Variants in POF1B observed in about 807,000 individuals in gnomAD.
The protein encoded by POF1B is POF1B actin binding protein, also known as protein POF1B.
POF1B carries 53 observed loss-of-function variants against 55.3 expected under a neutral mutation model. The observed-to-expected ratio is 0.96, with a 90% CI of 0.77 to 1.20. The LOEUF (loss-of-function observed/expected upper bound fraction) is 1.20, where lower values mean the gene tolerates loss of function less well. POF1B is among the 50% of genes most tolerant of loss of function. The probability of loss-of-function intolerance (pLI) is 0.00; values close to 1 mark genes in which losing one functional copy is unlikely to be tolerated. For missense variants in POF1B, 478 were observed against 420.5 expected, an observed-to-expected ratio of 1.14 and a Z score of -1.20; for synonymous variants, 188 against 148.3, an observed-to-expected ratio of 1.27 and a Z score of -1.95.
chrX:85,376,511 C>T (rs183609797), intron 2 of POF1B, among the ~76,000 whole-genome samples: 1 of 111,387 alleles, frequency 9.0e-6, no homozygotes, highest in East Asian at 2.8e-4. Flanking sequence ...TTAATTCTAC[C>T]ATTAATTTAG....
chrX:85,349,664 A>G (rs867351691), intron 5 of POF1B, among the ~76,000 whole-genome samples: 16 of 111,516 alleles, frequency 1.4e-4, no homozygotes, highest in Middle Eastern at 4.6e-3. Flanking sequence ...TGCATCTACA[A>G]GCCAAGGAAT....
chrX:85,283,535 G>A (rs750511693), intron 15 of POF1B, among the ~76,000 whole-genome samples: 4 of 109,440 alleles, frequency 3.7e-5, no homozygotes, highest in Non-Finnish European at 7.6e-5. Context: ...AAAAGAAAAC[G>A]GAAAAAAATG....
At chrX:85,368,213 G>C (rs1037955053) in intron 2 of POF1B, among the ~76,000 whole-genome samples, 1 of 110,946 alleles carries the variant, frequency 9.0e-6, no homozygotes, top group African/African-American at 3.3e-5. Context: ...GTGAAGTCTG[G>C]GCTCTTAGAG....
Position 85,379,558 on chromosome X carries a change from C to T in POF1B, c.-41-63G>A, listed in dbSNP as rs746364050. Reference sequence around the variant, plus strand: ...ACAGGCAAGCAGGCAGTCAGGCAGGCAGACAGACACACGACACACGTGTGG... The same window carrying T: ...ACAGGCAAGCAGGCAGTCAGGCAGGTAGACAGACACACGACACACGTGTGG... On this transcript the variant is annotated intron_variant, in intron 1 of 16. Coordinates refer to ENST00000262753, the MANE Select transcript of POF1B (RefSeq NM_024921.4). 354 of 867,339 alleles carry T rather than the reference C, an allele frequency of 4.1e-4. No homozygotes were observed. In the African/African-American group the frequency reaches 6.7e-3, roughly 16 times the overall value. 71.5% of individuals were successfully genotyped at this position (867,339 alleles called of 1,213,427 possible).
At chrX:85,297,928 C>A (rs1253849217) in intron 15 of POF1B, among the ~76,000 whole-genome samples, 5 of 112,265 alleles carry the variant, frequency 4.5e-5, no homozygotes, top group African/African-American at 1.6e-4. Flanking sequence ...AGACTGGGGG[C>A]TCCTCCCCAG....
At position 85,306,298 on chromosome X, in the gene POF1B, T is replaced by A. The variant is rs1932573348; in HGVS notation, c.1200A>T (p.Ala400=). The A allele has an allele frequency of 8.3e-7, 1 of 1,207,619 alleles. No homozygotes were observed. Among genetic ancestry groups the A allele is most frequent in the South Asian group, 1.8e-5 (1 of 56,538 alleles). The change falls in exon 12 of 17, where the codon GCA becomes GCT. Residue 400 remains alanine (A), a synonymous_variant. Coordinates refer to ENST00000262753, the MANE Select transcript of POF1B (RefSeq NM_024921.4). ...GLQDSSSKCQ[A]LEENNLSLRH... ...GAAGAGAGAGATTGTTTTCTTCCAA[T>A]GCCTGGCATTTTGAACTTGAGTCTT...
At chrX:85,365,263 C>T (rs1933699004) in intron 3 of POF1B, among the ~76,000 whole-genome samples, 2 of 111,772 alleles carry the variant, frequency 1.8e-5, no homozygotes, top group Non-Finnish European at 3.8e-5. Context: ...TTATTTCAGC[C>T]AGTTCAGGCT....
At chrX:85,354,165 GT>G (rs1386654189) in intron 4 of POF1B, among the ~76,000 whole-genome samples, 1 of 110,909 alleles carries the variant, frequency 9.0e-6, no homozygotes, top group African/African-American at 3.3e-5. Context: ...AAGATCATGT[GT>G]TTTAAAGTAC....
intron 4 of POF1B, among the ~76,000 whole-genome samples, chrX:85,354,971 T>C (rs938129705): frequency 2.7e-5 from 3 of 111,488 alleles, no homozygotes; most frequent in African/African-American, 9.8e-5. Context: ...AAGGTTCATA[T>C]GGAACCAAAA....
intron 15 of POF1B, 127 bp downstream of exon 15, chrX:85,303,279 C>A: frequency 2.5e-6 from 1 of 407,657 alleles, no homozygotes; most frequent in Non-Finnish European, 4.2e-6. Context: ...ATTCATTCTT[C>A]AGTAGAATAA....
chrX:85,329,183 A>G (rs1428132337), intron 7 of POF1B, among the ~76,000 whole-genome samples: 2 of 112,106 alleles, frequency 1.8e-5, no homozygotes, highest in East Asian at 5.6e-4. Context: ...CATGCAAATT[A>G]GGTAATATAG....
chrX:85,351,836 A>G (rs1233031972), intron 4 of POF1B, among the ~76,000 whole-genome samples: 1 of 110,937 alleles, frequency 9.0e-6, no homozygotes, highest in African/African-American at 3.3e-5. Context: ...ATGCAAAAAT[A>G]TTGTTGGAGA....
intron 15 of POF1B, among the ~76,000 whole-genome samples, chrX:85,301,034 T>A (rs747710749): frequency 8.1e-5 from 9 of 111,675 alleles, no homozygotes; most frequent in Non-Finnish European, 1.5e-4. Flanking sequence ...CTCAGAACAT[T>A]CTGTTCTGTT....
intron 6 of POF1B, among the ~76,000 whole-genome samples, chrX:85,333,261 T>C (rs945348086): frequency 9.0e-6 from 1 of 110,669 alleles, no homozygotes; most frequent in Non-Finnish European, 1.9e-5. Context: ...AAATCTACCA[T>C]ATCCGTGAAA....
chrX:85,322,899 C>A (rs1174376591), intron 7 of POF1B, among the ~76,000 whole-genome samples: 5 of 110,788 alleles, frequency 4.5e-5, no homozygotes, highest in African/African-American at 1.6e-4. Context: ...AATGAGATAC[C>A]ATCTCACACC....
chrX:85,345,993 TG>T lies in POF1B; in HGVS notation c.589del (p.Gln197ArgfsTer46), dbSNP rs1933261859. ...QCHHHIIQQP[Q>X]VIHSAHWQQP... ...TTGCCAGTGTGCAGAGTGGATGACC[TG>T]GGGCTGTTGGATAATGTGATGATGG... On this transcript the variant is annotated frameshift_variant, in exon 6 of 17. Transcript: ENST00000262753. LOFTEE classifies it high-confidence loss of function. 6.7e-6 allele frequency: 8 copies of T among 1,201,810 alleles called. No homozygotes were observed. Among genetic ancestry groups the T allele is most frequent in the Non-Finnish European group, 7.9e-6 (7 of 890,264 alleles).
intron 3 of POF1B, among the ~76,000 whole-genome samples, chrX:85,362,953 T>A (rs1933651509): frequency 9.0e-6 from 1 of 111,073 alleles, no homozygotes; most frequent in South Asian, 3.9e-4. Flanking sequence ...GAGATTCAAT[T>A]TTTTTCCTGC....
At position 85,307,222 on chromosome X, in the gene POF1B, G is replaced by A. The variant is rs1336795744; in HGVS notation, c.1105C>T (p.Gln369Ter). ...LEKDLSFKDTQLKEYEELLAS... is the reference protein window; with the variant it reads ...LEKDLSFKDT ...AAGAGTTCTTCGTACTCTTTTAATT[G>A]AGTGTCTTTGAATGATAAATCTTTC... The change falls in exon 11 of 17, where the codon CAA becomes TAA. Residue 369 changes from glutamine to a stop codon, truncating the protein, a stop_gained. Coordinates refer to ENST00000262753, the MANE Select transcript of POF1B (RefSeq NM_024921.4). LOFTEE classifies it high-confidence loss of function. 8.3e-7 allele frequency: 1 copy of A among 1,204,790 alleles called. No homozygotes were observed. The highest frequency in any genetic ancestry group is 2.2e-5 in the Admixed American group (1 of 45,472).
At chrX:85,341,772 C>G (rs746261141) in intron 6 of POF1B, among the ~76,000 whole-genome samples, 1 of 111,023 alleles carries the variant, frequency 9.0e-6, no homozygotes, top group African/African-American at 3.3e-5. Flanking sequence ...GTTAAATAAA[C>G]ATTATAGTGA....
Sources: allele counts gnomAD v4.1 joint callset (sites outside exome capture counted in the v4.1 genomes callset), GRCh38; gene constraint gnomAD v4.1.1; transcripts MANE v1.5; gene names NCBI Gene and HGNC (gene_info 2026-07-23, HGNC 2026-07-21).